The following RGS6 variants were observed in gnomAD, a reference collection of about 807,000 sequenced individuals.
RGS6 encodes regulator of G-protein signaling 6.
Under a neutral mutation model 78.5 loss-of-function variants are expected in RGS6, and 30 were observed. The observed-to-expected ratio is 0.38, with a 90% confidence interval of 0.29 to 0.52. The LOEUF is 0.52. Among genes scored for constraint, RGS6 ranks in the 20% least tolerant of loss-of-function variants. The pLI, the probability that RGS6 is intolerant of heterozygous loss-of-function variation, is 0.85. For synonymous variants in RGS6, 206 were observed against 206.0 expected (o/e 1.00, Z 0.00); for missense variants, 495 against 609.7 (o/e 0.81, Z 1.98).
intron 3 of RGS6, among the ~76,000 whole-genome samples, chr14:72,417,292 A>G (rs1320688855): frequency 6.6e-6 from 1 of 152,200 alleles, no homozygotes; most frequent in Non-Finnish European, 1.5e-5. Context: ...TAGGGAGATG[A>G]CTGCCCCCCC....
chr14:72,361,784 T>TA (rs769183716), intron 3 of RGS6, among the ~76,000 whole-genome samples: 34 of 152,034 alleles, frequency 2.2e-4, no homozygotes, highest in Non-Finnish European at 4.3e-4. Context: ...CAATAAGAGG[T>TA]ACAGGTGGTT....
the RGS6 span, among the ~76,000 whole-genome samples, chr14:71,900,890 C>G: frequency 6.6e-6 from 1 of 152,082 alleles, no homozygotes; most frequent in Non-Finnish European, 1.5e-5. Context: ...GTGAGCCGAC[C>G]TGTCATATGG....
At chr14:72,412,711 A>G (rs1249311959) in intron 3 of RGS6, among the ~76,000 whole-genome samples, 1 of 152,186 alleles carries the variant, frequency 6.6e-6, no homozygotes, top group African/African-American at 2.4e-5. Flanking sequence ...ATTTAGTGCT[A>G]TAAATTTCCC....
At chr14:71,890,924 T>G in the RGS6 span, among the ~76,000 whole-genome samples, 1 of 152,158 alleles carries the variant, frequency 6.6e-6, no homozygotes, top group Non-Finnish European at 1.5e-5. Context: ...TGAGGAAACA[T>G]TTTAGTACTC....
At chr14:72,125,238 A>G (rs150540442) in intron 2 of RGS6, among the ~76,000 whole-genome samples, 317 of 152,282 alleles carry the variant, frequency 2.1e-3, no homozygotes, top group African/African-American at 6.8e-3. Context: ...CCACCTATCC[A>G]GGTGCCCTGG....
chr14:72,527,540 AT>A (rs2097133616), intron 15 of RGS6, among the ~76,000 whole-genome samples: 1 of 152,226 alleles, frequency 6.6e-6, no homozygotes, highest in Non-Finnish European at 1.5e-5. Context: ...AACAACTGAA[AT>A]AGTACAGCTA....
Position 72,547,375 on chromosome 14 carries a change from C to A in RGS6, c.1422+7281C>A, listed in dbSNP as rs1322315193. ...GACTTCAAAGGCTAAGAAGTAAGACCCCCCCCCGACCCATGGAAGTCCCCC... is the reference window on the plus strand; with the variant it reads ...GACTTCAAAGGCTAAGAAGTAAGACACCCCCCCGACCCATGGAAGTCCCCC... On this transcript the variant is annotated intron_variant, in intron 17 of 17. Transcript: ENST00000553525. 5.6e-6 allele frequency: 8 copies of A among 1,429,660 alleles called. No homozygotes were observed. In the Admixed American group the frequency reaches 8.2e-5, roughly 15 times the overall value. The allele number at this position is 1,429,660 out of a possible 1,614,324, so 88.6% of individuals were successfully genotyped here. A position where few individuals can be genotyped will look rare whatever the true frequency, so the allele number is the denominator to read the frequency against.
At chr14:72,435,904 A>G (rs2094887359) in intron 3 of RGS6, among the ~76,000 whole-genome samples, 2 of 152,236 alleles carry the variant, frequency 1.3e-5, no homozygotes, top group East Asian at 3.9e-4. Flanking sequence ...CCCTTTTGCC[A>G]TGTAAGGTAT....
At chr14:72,570,892 G>A (rs1009680946), downstream of RGS6, among the ~76,000 whole-genome samples, 15 of 152,208 alleles carry the variant, frequency 9.9e-5, no homozygotes, top group East Asian at 3.9e-4. Context: ...CCTTATTGAC[G>A]TCCAAAGTGT....
chr14:72,404,754 T>C (rs1375281099), intron 3 of RGS6, among the ~76,000 whole-genome samples: 2 of 152,228 alleles, frequency 1.3e-5, no homozygotes, highest in Non-Finnish European at 2.9e-5. Flanking sequence ...CCATGGTTAC[T>C]GCAGCAGGTG....
intron 15 of RGS6, among the ~76,000 whole-genome samples, chr14:72,529,320 G>A (rs540689388): frequency 5.3e-5 from 8 of 152,166 alleles, no homozygotes; most frequent in African/African-American, 1.7e-4. Context: ...TGCTGTGGTC[G>A]GTTGTTCCCT....
At chr14:71,979,840 T>C (rs2094353110) in intron 2 of RGS6, among the ~76,000 whole-genome samples, 1 of 151,076 alleles carries the variant, frequency 6.6e-6, no homozygotes, top group South Asian at 2.1e-4. Context: ...CTCATTGATC[T>C]GTCTAATGTT....
intron 2 of RGS6, among the ~76,000 whole-genome samples, chr14:72,073,156 G>A (rs1283752346): frequency 6.6e-6 from 1 of 152,190 alleles, no homozygotes; most frequent in African/African-American, 2.4e-5. Flanking sequence ...TCTGTAAAAT[G>A]GGGATGAATG....
chr14:72,257,560 G>A (rs1439123232), intron 2 of RGS6, among the ~76,000 whole-genome samples: 3 of 152,178 alleles, frequency 2.0e-5, no homozygotes, highest in Non-Finnish European at 4.4e-5. Flanking sequence ...CACTATTTAT[G>A]TGATGTGTTC....
rs1023497267 is a variant in RGS6, at chr14:72,143,762, A to G, written c.84+178887A>G. 9.2e-5 allele frequency among the ~76,000 whole-genome samples: 14 copies of G among 152,326 alleles called. No homozygotes were observed. The East Asian group carries it at 2.7e-3, about 29-fold the overall frequency. The stretch of plus-strand genomic sequence containing the variant: ...TTCAAACATTTTAGTCTTAAATTCT[A>G]CCTTTAGAGTATTATTGATGGTCTG... On this transcript the variant is annotated intron_variant, in intron 2 of 17. Transcript: ENST00000553525.
intron 2 of RGS6, among the ~76,000 whole-genome samples, chr14:72,017,019 T>G (rs1477572347): frequency 2.6e-5 from 4 of 152,170 alleles, no homozygotes; most frequent in Non-Finnish European, 4.4e-5. Context: ...TTAAATGTCT[T>G]TGTAAGTATC....
intron 1 of RGS6, among the ~76,000 whole-genome samples, chr14:71,949,678 A>T (rs1595084042): frequency 6.6e-6 from 1 of 151,936 alleles, no homozygotes; most frequent in East Asian, 1.9e-4. Context: ...AATCTAACTT[A>T]TCAGTCTCTT....
chr14:72,094,719 G>A (rs1383488709), intron 2 of RGS6, among the ~76,000 whole-genome samples: 2 of 152,048 alleles, frequency 1.3e-5, no homozygotes, highest in Non-Finnish European at 2.9e-5. Context: ...AGTTTTCTGT[G>A]ACATTGTTTA....
chr14:71,957,826 T>C (rs2092907005), intron 1 of RGS6, among the ~76,000 whole-genome samples: 1 of 152,090 alleles, frequency 6.6e-6, no homozygotes. Context: ...AGTGCAGTGG[T>C]GTGATCATAG....
Sources: allele counts gnomAD v4.1 joint callset (sites outside exome capture counted in the v4.1 genomes callset), GRCh38; gene constraint gnomAD v4.1.1; transcripts MANE v1.5; gene names NCBI Gene and HGNC (gene_info 2026-07-23, HGNC 2026-07-21).